QRICH1: variants seen among roughly 807,000 people sequenced by gnomAD.
The protein encoded by QRICH1 is glutamine rich 1, also known as transcriptional regulator QRICH1.
Under a neutral mutation model 87.1 loss-of-function variants are expected in QRICH1, and 16 were observed. The observed-to-expected ratio is 0.18, with a 90% CI of 0.12 to 0.28. QRICH1 has a LOEUF of 0.28. Among genes scored for constraint, QRICH1 ranks in the 10% least tolerant of loss-of-function variants. QRICH1 has a pLI of 1.00. For missense variants in QRICH1, 647 were observed against 951.7 expected, an observed-to-expected ratio of 0.68 and a Z score of 4.21; for synonymous variants, 367 against 368.4, an observed-to-expected ratio of 1.00 and a Z score of 0.05.
At chr3:49,066,951 T>C (rs1331372936) in intron 2 of QRICH1, among the ~76,000 whole-genome samples, 1 of 151,692 alleles carries the variant, frequency 6.6e-6, no homozygotes, top group East Asian at 2.0e-4. Flanking sequence ...GGTAGGACAA[T>C]AGCTTGAACC....
At chr3:49,055,297 G>A (rs546694271) in intron 3 of QRICH1, among the ~76,000 whole-genome samples, 7 of 151,992 alleles carry the variant, frequency 4.6e-5, no homozygotes, top group Non-Finnish European at 1.0e-4. Flanking sequence ...GCATGCTCAG[G>A]AGCCTATGCC....
intron 6 of QRICH1, among the ~76,000 whole-genome samples, chr3:49,037,180 A>C (rs1464592625): frequency 2.6e-5 from 4 of 152,038 alleles, no homozygotes; most frequent in African/African-American, 4.8e-5. Flanking sequence ...GAATCAATGG[A>C]TTCAGACATT....
At chr3:49,032,806 G>A in intron 7 of QRICH1, 33 bp from the exon 8 acceptor site, 1 of 1,591,106 alleles carries the variant, frequency 6.3e-7, no homozygotes, top group African/African-American at 1.4e-5. Context: ...GGCAGAGGGA[G>A]GGGTGCCGGG....
chr3:49,084,790 G>A (rs181570375), intron 1 of QRICH1, among the ~76,000 whole-genome samples: 2 of 152,098 alleles, frequency 1.3e-5, no homozygotes, highest in East Asian at 3.9e-4. Context: ...AATGCTAACA[G>A]TAGTTATGCC....
intron 2 of QRICH1, among the ~76,000 whole-genome samples, chr3:49,059,806 A>G (rs1342021972): frequency 6.8e-6 from 1 of 147,532 alleles, no homozygotes; most frequent in Non-Finnish European, 1.5e-5. Flanking sequence ...TAACCTCTGC[A>G]TCCCGGATTC....
intron 1 of QRICH1, among the ~76,000 whole-genome samples, chr3:49,087,584 T>TA (rs2107040354): frequency 6.7e-6 from 1 of 148,616 alleles, no homozygotes; most frequent in South Asian, 2.1e-4. Flanking sequence ...AAAATAAAAA[T>TA]AAAAAAATAG....
intron 3 of QRICH1, among the ~76,000 whole-genome samples, chr3:49,051,235 C>T (rs1358202432): frequency 6.6e-6 from 1 of 152,178 alleles, no homozygotes; most frequent in African/African-American, 2.4e-5. Flanking sequence ...CAGTCACATA[C>T]ACCTGAAATG....
upstream of QRICH1, chr3:49,094,189 C>A (rs997631321): frequency 7.7e-6 from 3 of 391,720 alleles, no homozygotes; most frequent in African/African-American, 6.2e-5. Context: ...GCGCTTCTGG[C>A]CGCTAGAGCG....
intron 6 of QRICH1, among the ~76,000 whole-genome samples, chr3:49,040,085 A>G (rs909311495): frequency 2.0e-5 from 3 of 152,170 alleles, no homozygotes; most frequent in African/African-American, 7.2e-5. Context: ...AGCAACAAAA[A>G]AAGATTTGCC....
At chr3:49,039,618 C>CAAAAAAAAAAAAAA (rs899570014) in intron 6 of QRICH1, among the ~76,000 whole-genome samples, 1 of 16,352 alleles carries the variant, frequency 6.1e-5, no homozygotes, top group Non-Finnish European at 1.3e-4. Flanking sequence ...GACTCCATCT[C>CAAAAAAAAAAAAAA]AAAAAAAAAA....
intron 1 of QRICH1, among the ~76,000 whole-genome samples, chr3:49,080,028 C>CA (rs11443291): frequency 0.74 from 100,947 of 136,438 alleles, 36,884 homozygotes; most frequent in East Asian, 0.97. Context: ...GACTCTATCT[C>CA]AAAAAAAAAA....
At chr3:49,076,296 C>T (rs73082362) in intron 2 of QRICH1, among the ~76,000 whole-genome samples, 9,095 of 152,312 alleles carry the variant, frequency 0.06, 388 homozygotes, top group Non-Finnish European at 0.088. Flanking sequence ...CTGACATCGC[C>T]GCCGGCGGGG....
intron 8 of QRICH1, 78 bp downstream of exon 8, chr3:49,032,544 C>T: frequency 6.9e-7 from 1 of 1,454,694 alleles, no homozygotes; most frequent in South Asian, 1.4e-5. Flanking sequence ...ACACTTATCA[C>T]TAGCCTCACA....
At chr3:49,032,081 A>G in intron 9 of QRICH1, 102 bp downstream of exon 9, 1 of 977,914 alleles carries the variant, frequency 1.0e-6, no homozygotes, top group Non-Finnish European at 1.6e-6. Context: ...GTTTGGGACT[A>G]GAGAATGCCT....
At chr3:49,058,864 G>A (rs546131547) in intron 2 of QRICH1, among the ~76,000 whole-genome samples, 117 of 152,098 alleles carry the variant, frequency 7.7e-4, no homozygotes, top group African/African-American at 2.8e-3. Context: ...CCGACCTCAA[G>A]TGATCCGCCC....
chr3:49,094,195 G>C (rs2042337360), upstream of QRICH1: 1 of 391,212 alleles, frequency 2.6e-6, no homozygotes, highest in African/African-American at 2.1e-5. Flanking sequence ...CTGGCCGCTA[G>C]AGCGGATAGT....
intron 1 of QRICH1, among the ~76,000 whole-genome samples, chr3:49,091,061 A>T (rs897348921): frequency 2.0e-5 from 3 of 152,152 alleles, no homozygotes; most frequent in African/African-American, 7.2e-5. Flanking sequence ...TTTCTACTAA[A>T]AAATACAAAA....
At chr3:49,092,300 G>A (rs76729540) in intron 1 of QRICH1, 5 of 152,066 alleles carry the variant, frequency 3.3e-5, no homozygotes, top group Non-Finnish European at 5.9e-5. Flanking sequence ...GTTTCTGGAA[G>A]ACAGCACCCA....
At position 49,040,883 on chromosome 3, in the gene QRICH1, T is replaced by C. The variant is rs530729288; in HGVS notation, c.1786+3507A>G. Among the ~76,000 whole-genome samples, 4 of 152,344 alleles carry C rather than the reference T, an allele frequency of 2.6e-5. No individual in the cohort carries two copies. In the South Asian group the frequency reaches 8.3e-4, roughly 32 times the overall value. On this transcript the variant is annotated intron_variant, in intron 6 of 9. Coordinates refer to ENST00000395443, the MANE Select transcript of QRICH1 (RefSeq NM_198880.3). Reference sequence around the variant, plus strand: ...CTATCTGTGTCAGCATTTGGTGCTGTCGGTGTTTTGAATTTCTGCCATTCT... The same window carrying C: ...CTATCTGTGTCAGCATTTGGTGCTGCCGGTGTTTTGAATTTCTGCCATTCT...
Sources: allele counts gnomAD v4.1 joint callset (sites outside exome capture counted in the v4.1 genomes callset), GRCh38; gene constraint gnomAD v4.1.1; transcripts MANE v1.5; gene names NCBI Gene and HGNC (gene_info 2026-07-23, HGNC 2026-07-21).